FAM185A: variants seen among roughly 807,000 people sequenced by gnomAD.
FAM185A encodes protein FAM185A.
In FAM185A, 21 loss-of-function variants were observed where a neutral mutation model predicts 45.7. The observed-to-expected ratio is 0.46, with a 90% confidence interval of 0.33 to 0.66. The LOEUF (loss-of-function observed/expected upper bound fraction) is 0.66, where lower values mean the gene tolerates loss of function less well. FAM185A is among the 30% of genes least tolerant of loss of function. The probability of loss-of-function intolerance (pLI) is 0.03; values close to 1 mark genes in which losing one functional copy is unlikely to be tolerated. For missense variants in FAM185A, 305 were observed against 485.4 expected (o/e 0.63, Z 3.49); for synonymous variants, 117 against 194.0 (o/e 0.60, Z 3.30).
At chr7:102,828,402 T>G in the FAM185A span, among the ~76,000 whole-genome samples, 1 of 152,196 alleles carries the variant, frequency 6.6e-6, no homozygotes, top group Non-Finnish European at 1.5e-5. Flanking sequence ...ATTTTCCTTA[T>G]GGTCATTTTA....
At chr7:102,830,468 G>A in the FAM185A span, among the ~76,000 whole-genome samples, 2 of 152,186 alleles carry the variant, frequency 1.3e-5, no homozygotes, top group African/African-American at 4.8e-5. Flanking sequence ...CGCTTCTAGT[G>A]TTCTGGGTCC....
chr7:102,812,898 AG>A (rs1366404065), downstream of FAM185A, among the ~76,000 whole-genome samples: 2 of 142,082 alleles, frequency 1.4e-5, no homozygotes, highest in Admixed American at 1.5e-4. Flanking sequence ...GCTGGAATGC[AG>A]TGACGTGATC....
At chr7:102,752,957 G>A (rs987356777) in intron 2 of FAM185A, among the ~76,000 whole-genome samples, 3 of 151,160 alleles carry the variant, frequency 2.0e-5, no homozygotes, top group Admixed American at 1.3e-4. Flanking sequence ...AGAATAATTT[G>A]ATGCATTTTT....
chr7:102,777,568 G>A (rs1453680051), intron 6 of FAM185A, among the ~76,000 whole-genome samples: 2 of 150,134 alleles, frequency 1.3e-5, no homozygotes, highest in African/African-American at 4.9e-5. Context: ...TCCCTTTGTA[G>A]TACAAACAAA....
chr7:102,835,477 T>C, the FAM185A span, among the ~76,000 whole-genome samples: 2 of 152,160 alleles, frequency 1.3e-5, no homozygotes, highest in Non-Finnish European at 2.9e-5. Context: ...CCAAACATCA[T>C]ATTAGAACAC....
the FAM185A span, chr7:102,834,570 T>C: frequency 2.0e-5 from 3 of 151,610 alleles, no homozygotes. Flanking sequence ...TGGCTAGTGC[T>C]TGGCACATAG....
intron 4 of FAM185A, among the ~76,000 whole-genome samples, chr7:102,763,887 G>A (rs944637864): frequency 2.0e-5 from 3 of 152,234 alleles, no homozygotes; most frequent in Non-Finnish European, 2.9e-5. Flanking sequence ...GGCAGGAGGT[G>A]AAACCTGTCG....
chr7:102,847,713 G>C, the FAM185A span, among the ~76,000 whole-genome samples: 2 of 151,940 alleles, frequency 1.3e-5, no homozygotes, highest in Admixed American at 6.6e-5. Flanking sequence ...ATTTTTAGTA[G>C]AGACAGGGTT....
the FAM185A span, among the ~76,000 whole-genome samples, chr7:102,844,215 T>G: frequency 6.6e-6 from 1 of 152,346 alleles, no homozygotes; most frequent in African/African-American, 2.4e-5. Flanking sequence ...TCAGAGTCAT[T>G]TATTAATTAT....
At chr7:102,759,209 T>C (rs1793961195) in intron 3 of FAM185A, among the ~76,000 whole-genome samples, 2 of 152,242 alleles carry the variant, frequency 1.3e-5, no homozygotes, top group South Asian at 4.1e-4. Flanking sequence ...GTTATTGAAA[T>C]AAGTTACTAG....
chr7:102,787,199 G>C, intron 6 of FAM185A, 136 bp from the exon 7 acceptor site: 3 of 943,560 alleles, frequency 3.2e-6, no homozygotes, highest in South Asian at 8.1e-5. Flanking sequence ...TAAGGAAAAG[G>C]TTTAAATAAA....
chr7:102,815,440 A>G, the FAM185A span, among the ~76,000 whole-genome samples: 2 of 152,074 alleles, frequency 1.3e-5, no homozygotes, highest in African/African-American at 4.8e-5. Context: ...AAGTCCTTTA[A>G]CCCTCTTGGC....
intron 7 of FAM185A, among the ~76,000 whole-genome samples, chr7:102,794,322 C>T (rs1035028927): frequency 2.0e-5 from 3 of 152,128 alleles, no homozygotes; most frequent in Non-Finnish European, 2.9e-5. Flanking sequence ...AAACATGATT[C>T]GTGCACACAA....
chr7:102,833,082 T>C, the FAM185A span: 3 of 1,138,224 alleles, frequency 2.6e-6, no homozygotes, highest in Non-Finnish European at 3.7e-6. Context: ...ATACAGATGT[T>C]AGATCTTGAT....
the FAM185A span, among the ~76,000 whole-genome samples, chr7:102,821,778 G>A: frequency 6.6e-6 from 1 of 152,194 alleles, no homozygotes; most frequent in African/African-American, 2.4e-5. Context: ...AGCAGAGGAA[G>A]AGCTAGAGTT....
At chr7:102,754,705 G>A (rs1201800584) in intron 2 of FAM185A, among the ~76,000 whole-genome samples, 1 of 152,222 alleles carries the variant, frequency 6.6e-6, no homozygotes, top group Non-Finnish European at 1.5e-5. Flanking sequence ...CCAAGCTCAT[G>A]CTTTTTCCAC....
At chr7:102,810,175 AAC>A (rs755849799), downstream of FAM185A, among the ~76,000 whole-genome samples, 7 of 152,212 alleles carry the variant, frequency 4.6e-5, no homozygotes, top group African/African-American at 7.2e-5. Context: ...TTTATAGCAA[AAC>A]AAGAATGGCC....
intron 7 of FAM185A, among the ~76,000 whole-genome samples, chr7:102,807,487 A>G (rs1797190915): frequency 6.6e-6 from 1 of 152,158 alleles, no homozygotes; most frequent in Non-Finnish European, 1.5e-5. Flanking sequence ...CATTGGAGTA[A>G]TTTGGATGTC....
intron 7 of FAM185A, among the ~76,000 whole-genome samples, chr7:102,796,766 G>T (rs1163899757): frequency 6.6e-6 from 1 of 152,132 alleles, no homozygotes; most frequent in Non-Finnish European, 1.5e-5. Flanking sequence ...ACAGATGACC[G>T]AATTAGCAGA....
Sources: allele counts gnomAD v4.1 joint callset (sites outside exome capture counted in the v4.1 genomes callset), GRCh38; gene constraint gnomAD v4.1.1; transcripts MANE v1.5; gene names NCBI Gene and HGNC (gene_info 2026-07-23, HGNC 2026-07-21).